FAM107B: variants seen among roughly 807,000 people sequenced by gnomAD.
FAM107B encodes the protein protein FAM107B.
FAM107B carries 21 observed loss-of-function variants against 31.5 expected under a neutral mutation model. The observed-to-expected ratio is 0.67, with a 90% confidence interval of 0.47 to 0.96. FAM107B has a LOEUF of 0.96. Ranked by LOEUF, FAM107B falls within the 40% of genes least tolerant of loss-of-function variation. The pLI, the probability that FAM107B is intolerant of heterozygous loss-of-function variation, is 0.00. For synonymous variants in FAM107B, 157 were observed against 141.5 expected, an observed-to-expected ratio of 1.11 and a Z score of -0.78; for missense variants, 452 against 377.1, an observed-to-expected ratio of 1.20 and a Z score of -1.64.
rs76494088 is a variant in FAM107B, at chr10:14,587,808, G to C, written c.470-57293C>G. ...ACGGGAGGAGAGAGCTCTAGTCCTA[G>C]ATTTGCACCAAGGAGCTTTGAGCTC... On this transcript the variant is annotated intron_variant, in intron 2 of 4. Coordinates refer to ENST00000181796, the MANE Select transcript of FAM107B (RefSeq NM_031453.4). Among the ~76,000 whole-genome samples the C allele has an allele frequency of 7.8e-3, 1,193 of 152,248 alleles. 23 individuals carry two copies. Among genetic ancestry groups the C allele is most frequent in the African/African-American group, 0.027 (1,119 of 41,532 alleles).
chr10:14,622,457 C>G (rs183606092), intron 2 of FAM107B, among the ~76,000 whole-genome samples: 168 of 152,176 alleles, frequency 1.1e-3, no homozygotes, highest in African/African-American at 3.9e-3. Flanking sequence ...CAGGTGCATG[C>G]CACCATGCCT....
chr10:14,759,616 G>C (rs534460645), intron 1 of FAM107B, among the ~76,000 whole-genome samples: 1 of 152,302 alleles, frequency 6.6e-6, no homozygotes, highest in African/African-American at 2.4e-5. Flanking sequence ...ACAATGCCTG[G>C]CACCTAGAGG....
intron 1 of FAM107B, among the ~76,000 whole-genome samples, chr10:14,737,766 T>TTCTCTCTCTCTTTCTC (rs1856337008): frequency 7.9e-6 from 1 of 127,050 alleles, no homozygotes; most frequent in Non-Finnish European, 1.6e-5. Flanking sequence ...CGTGCACGCT[T>TTCTCTCTCTCTTTCTC]TCTCTCTCTC....
chr10:14,629,140 T>C (rs1393761720), intron 2 of FAM107B, among the ~76,000 whole-genome samples: 2 of 145,276 alleles, frequency 1.4e-5, no homozygotes, highest in Non-Finnish European at 3.0e-5. Flanking sequence ...TTAAAGGAGT[T>C]TAACTTTCTA....
intron 1 of FAM107B, among the ~76,000 whole-genome samples, chr10:14,722,150 A>T (rs1855926702): frequency 6.6e-6 from 1 of 152,240 alleles, no homozygotes; most frequent in Non-Finnish European, 1.5e-5. Flanking sequence ...GAATATTTTC[A>T]TTACTCTAAA....
chr10:14,632,531 A>T (rs1335379324), intron 2 of FAM107B, among the ~76,000 whole-genome samples: 1 of 150,990 alleles, frequency 6.6e-6, no homozygotes, highest in Non-Finnish European at 1.5e-5. Flanking sequence ...GAATGGCGTG[A>T]ACCCGGGAGG....
In FAM107B at chr10:14,519,120, T is replaced by C. The variant is rs1214603797; in HGVS notation, c.*2070A>G. 2 of 152,232 alleles carry C rather than the reference T, an allele frequency of 1.3e-5. No homozygotes were observed. Among genetic ancestry groups the C allele is most frequent in the Non-Finnish European group, 2.9e-5 (2 of 68,034 alleles). 9.4% of individuals were successfully genotyped at this position (152,232 alleles called of 1,614,324 possible). A position where few individuals can be genotyped will look rare whatever the true frequency, so the allele number is the denominator to read the frequency against. On this transcript the variant is annotated 3_prime_UTR_variant, in exon 5 of 5. Transcript: ENST00000181796. ...TACTAATTACAAATAATTCTGCAGATTTGAGTGAGATTAGGAAAGAAATGC... is the reference window on the plus strand; with the variant it reads ...TACTAATTACAAATAATTCTGCAGACTTGAGTGAGATTAGGAAAGAAATGC...
intron 2 of FAM107B, 47 bp downstream of exon 2, chr10:14,667,587 G>A (rs754768676): frequency 1.2e-6 from 2 of 1,601,816 alleles, no homozygotes; most frequent in Non-Finnish European, 8.5e-7. Context: ...AAGCACTTCT[G>A]TCAGCAACAG....
chr10:14,543,691 TA>T (rs11318873), intron 2 of FAM107B, among the ~76,000 whole-genome samples: 18,585 of 138,792 alleles, frequency 0.13, 1,202 homozygotes, highest in Non-Finnish European at 0.15. Context: ...CTAAAAACTT[TA>T]AAAAAAAAAA....
At chr10:14,551,312 T>G (rs554488763) in intron 2 of FAM107B, among the ~76,000 whole-genome samples, 3 of 152,222 alleles carry the variant, frequency 2.0e-5, no homozygotes, top group African/African-American at 7.2e-5. Context: ...GCCCGCCTAA[T>G]TTTTGTATTT....
intron 2 of FAM107B, among the ~76,000 whole-genome samples, chr10:14,638,457 T>A (rs1422295966): frequency 2.6e-5 from 4 of 152,244 alleles, no homozygotes; most frequent in Non-Finnish European, 4.4e-5. Context: ...AATGTTGGCA[T>A]GCAGCCTTTA....
chr10:14,627,781 GA>G (rs900832184), intron 2 of FAM107B, among the ~76,000 whole-genome samples: 1 of 149,732 alleles, frequency 6.7e-6, no homozygotes, highest in South Asian at 2.1e-4. Context: ...TCTATAAAAA[GA>G]AAAAAAAATC....
At chr10:14,717,730 T>A (rs1855812847) in intron 1 of FAM107B, among the ~76,000 whole-genome samples, 1 of 138,062 alleles carries the variant, frequency 7.2e-6, no homozygotes. Flanking sequence ...GACTCAAATG[T>A]CAGTCTCCTC....
intron 1 of FAM107B, among the ~76,000 whole-genome samples, chr10:14,762,197 C>A (rs961921903): frequency 6.6e-6 from 1 of 152,144 alleles, no homozygotes; most frequent in Admixed American, 6.5e-5. Flanking sequence ...ATGGTGACAG[C>A]ACCATTGGGC....
At chr10:14,584,315 T>C (rs778008985) in intron 2 of FAM107B, among the ~76,000 whole-genome samples, 2 of 152,072 alleles carry the variant, frequency 1.3e-5, no homozygotes, top group African/African-American at 2.4e-5. Context: ...CAACCAGATA[T>C]GGAAAAACGC....
intron 2 of FAM107B, among the ~76,000 whole-genome samples, chr10:14,558,941 A>G (rs1168642260): frequency 6.6e-6 from 1 of 152,176 alleles, no homozygotes; most frequent in Non-Finnish European, 1.5e-5. Context: ...GTGTGGGTCC[A>G]ACAAAGAGTA....
At chr10:14,579,840 G>T (rs138429127) in intron 2 of FAM107B, among the ~76,000 whole-genome samples, 1 of 151,876 alleles carries the variant, frequency 6.6e-6, no homozygotes, top group Non-Finnish European at 1.5e-5. Flanking sequence ...TGGCCAATAC[G>T]GTGAAACCCC....
At chr10:14,537,557 T>C (rs1282535771) in intron 2 of FAM107B, among the ~76,000 whole-genome samples, 3 of 152,162 alleles carry the variant, frequency 2.0e-5, no homozygotes, top group South Asian at 4.1e-4. Context: ...GAAATGCAAC[T>C]GCTGGGCTGC....
chr10:14,752,062 T>C (rs936046397), intron 1 of FAM107B, among the ~76,000 whole-genome samples: 1 of 152,146 alleles, frequency 6.6e-6, no homozygotes, highest in South Asian at 2.1e-4. Context: ...CCAAGGAGGA[T>C]TTTTTTCCAT....
Sources: gnomAD v4.1 joint callset for allele counts (sites outside exome capture counted in the v4.1 genomes callset) on GRCh38, gnomAD v4.1.1 for gene constraint, MANE v1.5 for transcripts, NCBI Gene and HGNC (gene_info 2026-07-23, HGNC 2026-07-21) for gene names.